ADCY5: variants seen among roughly 807,000 people sequenced by gnomAD.
ADCY5 encodes the protein adenylate cyclase 5, also known as adenylate cyclase type 5.
A neutral mutation model predicts 119.7 loss-of-function variants in ADCY5; 30 were observed. That is an observed-to-expected ratio of 0.25 (90% CI 0.19 to 0.34). ADCY5 has a LOEUF of 0.34. Among genes scored for constraint, ADCY5 ranks in the 10% least tolerant of loss-of-function variants. The probability of loss-of-function intolerance (pLI) is 1.00; values close to 1 mark genes in which losing one functional copy is unlikely to be tolerated. For synonymous variants in ADCY5, 753 were observed against 762.2 expected (o/e 0.99, Z 0.20); for missense variants, 1,324 against 1,775.2 (o/e 0.75, Z 4.57).
chr3:123,415,762 C>A (rs1945170818), intron 1 of ADCY5, among the ~76,000 whole-genome samples: 1 of 152,038 alleles, frequency 6.6e-6, no homozygotes, highest in Admixed American at 6.6e-5. Context: ...CCTTGGAGGT[C>A]GTTCACAGTG....
At chr3:123,296,985 T>A (rs1310718015) in intron 16 of ADCY5, 1 of 1,535,988 alleles carries the variant, frequency 6.5e-7, no homozygotes, top group South Asian at 1.2e-5. Context: ...CTCGCCTTTG[T>A]TCCTTGACTC....
At chr3:123,361,128 C>T (rs766982075) in intron 1 of ADCY5, among the ~76,000 whole-genome samples, 2 of 152,136 alleles carry the variant, frequency 1.3e-5, no homozygotes, top group Non-Finnish European at 2.9e-5. Flanking sequence ...TTGTCCCAGG[C>T]GCCCTAGGCC....
At chr3:123,411,881 G>C (rs1945058403) in intron 1 of ADCY5, among the ~76,000 whole-genome samples, 1 of 152,150 alleles carries the variant, frequency 6.6e-6, no homozygotes, top group African/African-American at 2.4e-5. Flanking sequence ...CTGTGGCCCT[G>C]TCACCCATCC....
rs1938450577 is a variant in ADCY5 at position 123,282,679 on chromosome 3, T to C, written c.*1929A>G. ...GGATGGCAATGCAGAACTCAAAGGA[T>C]GGAGCAGCAGAAGCACGGGACAGAC... On this transcript the variant is annotated 3_prime_UTR_variant, in exon 21 of 21. Coordinates refer to ENST00000462833, the MANE Select transcript of ADCY5 (RefSeq NM_183357.3). 2 of 152,458 alleles carry C rather than the reference T, an allele frequency of 1.3e-5. No homozygotes were observed. The highest frequency in any genetic ancestry group is 3.9e-4 in the East Asian group (2 of 5,178). The allele number at this position is 152,458 out of a possible 1,614,324, so 9.4% of individuals were successfully genotyped here. A position where few individuals can be genotyped will look rare whatever the true frequency, so the allele number is the denominator to read the frequency against.
At position 123,352,855 on chromosome 3, in the gene ADCY5, A is replaced by C. The variant is rs561802240; in HGVS notation, c.1135-274T>G. Among the ~76,000 whole-genome samples, 1 of 152,312 alleles carries C rather than the reference A, an allele frequency of 6.6e-6. No homozygotes were observed. The highest frequency in any genetic ancestry group is 2.1e-4 in the South Asian group (1 of 4,828). ...TAATCATACTAAACATGCCTATAGT[A>C]CCAGAAATTAAAAGGCTACATGTAC... On this transcript the variant is annotated intron_variant, in intron 1 of 20. Transcript: ENST00000462833. The surrounding 1 kb of genome is among the most constrained non-coding windows in gnomAD (Gnocchi z 4.8).
chr3:123,333,454 G>T (rs1225117661), intron 3 of ADCY5, among the ~76,000 whole-genome samples: 1 of 152,256 alleles, frequency 6.6e-6, no homozygotes, highest in Non-Finnish European at 1.5e-5. Context: ...GGCCTGAGAG[G>T]GCTGCCAGCC....
intron 12 of ADCY5, among the ~76,000 whole-genome samples, chr3:123,308,175 A>C (rs1217685581): frequency 6.6e-6 from 1 of 151,284 alleles, no homozygotes; most frequent in Non-Finnish European, 1.5e-5. Context: ...CTGGGACTAC[A>C]GGCGCCCACC....
chr3:123,410,606 G>A (rs1945021042), intron 1 of ADCY5, among the ~76,000 whole-genome samples: 1 of 152,036 alleles, frequency 6.6e-6, no homozygotes, highest in African/African-American at 2.4e-5. Context: ...TAAAATAAAG[G>A]CTCAACAATG....
intron 1 of ADCY5, among the ~76,000 whole-genome samples, chr3:123,446,592 AAG>A (rs1945819194): frequency 6.6e-6 from 1 of 152,366 alleles, no homozygotes; most frequent in African/African-American, 2.4e-5. Flanking sequence ...AGAAGCCTTT[AAG>A]AGAGTCACCA....
chr3:123,388,791 T>G (rs1235803675), intron 1 of ADCY5, among the ~76,000 whole-genome samples: 1 of 152,116 alleles, frequency 6.6e-6, no homozygotes, highest in Non-Finnish European at 1.5e-5. Context: ...GCCCCCAATA[T>G]GAGCGGCAAG....
At chr3:123,425,720 C>T (rs745422021) in intron 1 of ADCY5, among the ~76,000 whole-genome samples, 1 of 116,280 alleles carries the variant, frequency 8.6e-6, no homozygotes, top group Non-Finnish European at 1.8e-5. Context: ...CCCCAGTTCA[C>T]ACCACTCACC....
At chr3:123,357,665 A>T (rs1020721674) in intron 1 of ADCY5, among the ~76,000 whole-genome samples, 3 of 152,188 alleles carry the variant, frequency 2.0e-5, no homozygotes, top group Admixed American at 2.0e-4. Context: ...GGGGGATTTC[A>T]GCAAGTTGGA....
At chr3:123,361,810 C>A (rs1216622962) in intron 1 of ADCY5, among the ~76,000 whole-genome samples, 1 of 152,204 alleles carries the variant, frequency 6.6e-6, no homozygotes, top group Non-Finnish European at 1.5e-5. Context: ...ACATCTTCTA[C>A]ATGTAGCCTG....
At chr3:123,305,336 T>G (rs970222443) in intron 12 of ADCY5, among the ~76,000 whole-genome samples, 2 of 152,218 alleles carry the variant, frequency 1.3e-5, no homozygotes, top group African/African-American at 4.8e-5. Flanking sequence ...TTGGCCACAC[T>G]GACAGACAGC....
intron 1 of ADCY5, among the ~76,000 whole-genome samples, chr3:123,371,981 G>T (rs544245897): frequency 2.0e-5 from 3 of 152,324 alleles, no homozygotes; most frequent in South Asian, 2.1e-4. Flanking sequence ...GGGCTTGGGG[G>T]CTTGGGGCCC....
chr3:123,351,431 C>T (rs1266928019), intron 2 of ADCY5, among the ~76,000 whole-genome samples: 3 of 152,236 alleles, frequency 2.0e-5, no homozygotes, highest in South Asian at 2.1e-4. Flanking sequence ...GGCAGACCTT[C>T]CATGTTCATA....
chr3:123,405,735 A>G (rs1944882134), intron 1 of ADCY5, among the ~76,000 whole-genome samples: 6 of 152,114 alleles, frequency 3.9e-5, no homozygotes, highest in Admixed American at 3.9e-4. Flanking sequence ...CCCAGGTTCA[A>G]GCAATTCTTG....
chr3:123,381,513 G>A (rs1433432284), intron 1 of ADCY5, among the ~76,000 whole-genome samples: 1 of 152,230 alleles, frequency 6.6e-6, no homozygotes, highest in African/African-American at 2.4e-5. Flanking sequence ...ATTGGTCTGG[G>A]AGAAGCTGGA....
At chr3:123,343,753 G>C (rs1446705703) in intron 3 of ADCY5, among the ~76,000 whole-genome samples, 3 of 152,168 alleles carry the variant, frequency 2.0e-5, no homozygotes, top group Admixed American at 1.3e-4. Flanking sequence ...GTCAGCTGCA[G>C]CAAGTGCTGG....
Sources: allele counts gnomAD v4.1 joint callset (sites outside exome capture counted in the v4.1 genomes callset), GRCh38; gene constraint gnomAD v4.1.1; non-coding constraint Gnocchi (gnomAD v3.1); transcripts MANE v1.5; gene names NCBI Gene and HGNC (gene_info 2026-07-23, HGNC 2026-07-21).